Variants in BCL6 observed in about 807,000 individuals in gnomAD.
BCL6 encodes the protein B-cell lymphoma 6 protein.
In BCL6, 7 loss-of-function variants were observed where a neutral mutation model predicts 59.5. The observed-to-expected ratio is 0.12, with a 90% CI of 0.07 to 0.22. The LOEUF (loss-of-function observed/expected upper bound fraction) is 0.22, where lower values mean the gene tolerates loss of function less well. Ranked by LOEUF, BCL6 falls within the 10% of genes least tolerant of loss-of-function variation. The pLI is 1.00. For missense variants in BCL6, 685 were observed against 939.4 expected (o/e 0.73, Z 3.54); for synonymous variants, 339 against 349.7 (o/e 0.97, Z 0.34).
rs762719275 is a variant in BCL6, at chr3:187,726,894, G to A, written c.1545C>T (p.Asn515=). The A allele has an allele frequency of 1.4e-5, 22 of 1,613,996 alleles. No individual in the cohort carries two copies. Among genetic ancestry groups the A allele is most frequent in the Middle Eastern group, 1.6e-4 (1 of 6,082 alleles). ...CACACTCATTGCAGAAGAAGGCCCC[G>A]TTCTCTGTTGGAGGGTGGTAGGGGG... is the stretch of plus-strand genomic sequence containing the variant. ...QSEYSDSSCE[N]GAFFCNECDC... Residue 515 remains asparagine (N), a synonymous_variant, in exon 7 of 10, where the codon AAC becomes AAT. Transcript: ENST00000406870.
rs1718904205 is a variant in BCL6, at chr3:187,729,406, G to A, written c.999C>T (p.Ser333=). 1.2e-6 allele frequency: 2 copies of A among 1,612,750 alleles called. No homozygotes were observed. Among genetic ancestry groups the A allele is most frequent in the Non-Finnish European group, 1.7e-6 (2 of 1,179,466 alleles). The change falls in exon 5 of 10, where the codon AGC becomes AGT. Residue 333 remains serine, a synonymous_variant. Coordinates refer to ENST00000406870, the MANE Select transcript of BCL6 (RefSeq NM_001706.5). This position sits in a 1 kb window ranked among gnomAD's most constrained non-coding sequence, Gnocchi z 5.6. The part of the protein sequence containing the change: ...LNRKGLVSPQ[S]PQKSDCQPNS... Reference sequence around the variant, plus strand: ...TGGGCTGGCAGTCAGATTTCTGGGGGCTCTGTGGACTAACCAGACCCTTCC... The same window carrying A: ...TGGGCTGGCAGTCAGATTTCTGGGGACTCTGTGGACTAACCAGACCCTTCC...
intron 5 of BCL6, 129 bp from the exon 6 acceptor site, chr3:187,728,673 T>C (rs1553838536): frequency 3.3e-6 from 3 of 906,800 alleles, no homozygotes; most frequent in Non-Finnish European, 4.8e-6. Context: ...ACCCCAGAGT[T>C]GTCCTCAAGT....
At chr3:187,734,545 C>A (rs1285770635) in intron 2 of BCL6, 6 of 152,216 alleles carry the variant, frequency 3.9e-5, no homozygotes, top group African/African-American at 1.4e-4. Flanking sequence ...CTTATTTCAT[C>A]ATCTCAGTCA....
At position 187,725,157 on chromosome 3, in the gene BCL6, A is replaced by G; in HGVS notation, c.1840-79T>C. On this transcript the variant is annotated intron_variant, in intron 8 of 9. Coordinates refer to ENST00000406870, the MANE Select transcript of BCL6 (RefSeq NM_001706.5). This position sits in a 1 kb window ranked among gnomAD's most constrained non-coding sequence, Gnocchi z 4.7. The stretch of plus-strand genomic sequence containing the variant: ...GGCAGCCCCTCATTAGCACACAGCC[A>G]GTGAGTGGGCCTTTCTCCAGGCCAC... 2 of 1,585,484 alleles carry G rather than the reference A, an allele frequency of 1.3e-6. No homozygotes were observed. Among genetic ancestry groups the G allele is most frequent in the Non-Finnish European group, 1.7e-6 (2 of 1,160,152 alleles).
chr3:187,744,296 A>C (rs549147796), intron 1 of BCL6, among the ~76,000 whole-genome samples: 1 of 152,090 alleles, frequency 6.6e-6, no homozygotes, highest in East Asian at 1.9e-4. Context: ...ACTGAAAGGC[A>C]TCGCAGGTGC....
Position 187,729,670 on chromosome 3 carries a change from C to A in BCL6, c.735G>T (p.Pro245=), listed in dbSNP as rs2228258. The change falls in exon 5 of 10, where the codon CCG becomes CCT. Residue 245 remains proline, a synonymous_variant. Transcript: ENST00000406870. This position sits in a 1 kb window ranked among gnomAD's most constrained non-coding sequence, Gnocchi z 5.6. ...ARPVPGEYSR[P]TLEVSPNVCH... ...ACACATTGGGGGACACCTCCAAAGT[C>A]GGCCGGCTGTACTCACCAGGGACTG... 3 of 1,614,020 alleles carry A rather than the reference C, an allele frequency of 1.9e-6. No individual in the cohort carries two copies. Among genetic ancestry groups the A allele is most frequent in the Non-Finnish European group, 8.5e-7 (1 of 1,180,026 alleles).
chr3:187,728,227 G>T, intron 6 of BCL6, 133 bp downstream of exon 6: 2 of 943,216 alleles, frequency 2.1e-6, no homozygotes, highest in African/African-American at 1.7e-5. Context: ...CTGGTGACTT[G>T]GAGTGCCAGT....
At chr3:187,735,723 C>T (rs1719253320) in intron 1 of BCL6, among the ~76,000 whole-genome samples, 1 of 152,124 alleles carries the variant, frequency 6.6e-6, no homozygotes. Flanking sequence ...TATGTACCTC[C>T]TTCCAAACCG....
At chr3:187,724,903 C>A (rs1388974121) in intron 9 of BCL6, 38 bp downstream of exon 9, 1 of 1,612,892 alleles carries the variant, frequency 6.2e-7, no homozygotes. Flanking sequence ...CCTCCACATC[C>A]CCGCAGGTCA....
intron 1 of BCL6, chr3:187,737,363 GAGAGAGAGAGA>G (rs1719332368): frequency 1.4e-5 from 2 of 140,640 alleles, no homozygotes; most frequent in African/African-American, 2.9e-5. Flanking sequence ...GAGAGAGAGA[GAGAGAGAGAGA>G]GAGAGAGAGA....
Position 187,722,371 on chromosome 3 carries a change from C to T in BCL6, c.*87G>A. 5 of 1,127,428 alleles carry T rather than the reference C, an allele frequency of 4.4e-6. No individual in the cohort carries two copies. The highest frequency in any genetic ancestry group is 5.7e-6 in the Non-Finnish European group (5 of 882,618). 69.8% of individuals were successfully genotyped at this position (1,127,428 alleles called of 1,614,324 possible). A position where few individuals can be genotyped will look rare whatever the true frequency, so the allele number is the denominator to read the frequency against. ...CTAGTGGATGAAAGAGGCACTACAT[C>T]ATGGGATGAACATTGTAAAGTGTTA... On this transcript the variant is annotated 3_prime_UTR_variant, in exon 10 of 10. Transcript: ENST00000406870.
At chr3:187,735,759 A>G (rs1719254152) in intron 1 of BCL6, among the ~76,000 whole-genome samples, 1 of 152,190 alleles carries the variant, frequency 6.6e-6, no homozygotes, top group South Asian at 2.1e-4. Flanking sequence ...AATCATTAAA[A>G]GCACAGGTGT....
rs1560160293 is a variant in BCL6, at chr3:187,743,678, C to A, written c.-50+1732G>T. Among the ~76,000 whole-genome samples the A allele has an allele frequency of 3.3e-5, 5 of 152,200 alleles. No individual in the cohort carries two copies. The South Asian group carries it at 1.0e-3, about 32-fold the overall frequency. On this transcript the variant is annotated intron_variant, in intron 1 of 9. Coordinates refer to ENST00000406870, the MANE Select transcript of BCL6 (RefSeq NM_001706.5). The stretch of plus-strand genomic sequence containing the variant: ...CAACCCACAGTTCTCAAGACATTTA[C>A]CACGGTCACTACATCCGGCAGCGGG...
At chr3:187,735,415 T>A (rs1268933750) in intron 1 of BCL6, among the ~76,000 whole-genome samples, 39 of 152,238 alleles carry the variant, frequency 2.6e-4, no homozygotes, top group Admixed American at 2.6e-3. Context: ...AAACTGAGAC[T>A]TAGGGGTTCA....
chr3:187,725,124 G>A lies in BCL6; in HGVS notation c.1840-46C>T. 6.2e-7 allele frequency: 1 copy of A among 1,610,720 alleles called. No homozygotes were observed. The highest frequency in any genetic ancestry group is 8.5e-7 in the Non-Finnish European group (1 of 1,178,662). The stretch of plus-strand genomic sequence containing the variant: ...GAGAGGTCTTCTGGGGTGGGCTGCA[G>A]GCCTCTGGGCAGCCCCTCATTAGCA... On this transcript the variant is annotated intron_variant, in intron 8 of 9. Transcript: ENST00000406870. The surrounding 1 kb of genome is among the most constrained non-coding windows in gnomAD (Gnocchi z 4.7).
At chr3:187,726,632 C>T (rs1288778279) in intron 7 of BCL6, 99 bp downstream of exon 7, 12 of 1,513,170 alleles carry the variant, frequency 7.9e-6, no homozygotes, top group Admixed American at 1.9e-5. Context: ...TGCCTTGCCC[C>T]ACCAGGTCTC....
At chr3:187,743,501 G>A (rs998942826) in intron 1 of BCL6, among the ~76,000 whole-genome samples, 2 of 152,024 alleles carry the variant, frequency 1.3e-5, no homozygotes, top group African/African-American at 2.4e-5. Flanking sequence ...CATCGTAGAA[G>A]GGAACACAAC....
chr3:187,732,628 G>A (rs1719102316), intron 3 of BCL6, among the ~76,000 whole-genome samples: 1 of 151,320 alleles, frequency 6.6e-6, no homozygotes, highest in Non-Finnish European at 1.5e-5. Context: ...CTTCCACCAA[G>A]TAGCTATGCA....
intron 1 of BCL6, among the ~76,000 whole-genome samples, chr3:187,745,010 CG>C: frequency 6.6e-6 from 1 of 152,090 alleles, no homozygotes; most frequent in Non-Finnish European, 1.5e-5. Flanking sequence ...CTGCTCCGGC[CG>C]CCCCCTAATT....
Sources: gnomAD v4.1 joint callset for allele counts (sites outside exome capture counted in the v4.1 genomes callset) on GRCh38, gnomAD v4.1.1 for gene constraint, Gnocchi (gnomAD v3.1) non-coding constraint, MANE v1.5 for transcripts, NCBI Gene and HGNC (gene_info 2026-07-23, HGNC 2026-07-21) for gene names.